NDC1: variants seen among roughly 807,000 people sequenced by gnomAD.
The protein encoded by NDC1 is nucleoporin NDC1.
In NDC1, 24 loss-of-function variants were observed where a neutral mutation model predicts 89.8. That is an observed-to-expected ratio of 0.27 (90% CI 0.19 to 0.38). NDC1 has a LOEUF of 0.38. Among genes scored for constraint, NDC1 ranks in the 10% least tolerant of loss-of-function variants. NDC1 has a pLI of 1.00. For missense variants in NDC1, 728 were observed against 797.6 expected (o/e 0.91, Z 1.05); for synonymous variants, 296 against 284.8 (o/e 1.04, Z -0.39).
chr1:53,828,289 G>T, intron 3 of NDC1, 116 bp from the exon 4 acceptor site: 1 of 937,148 alleles, frequency 1.1e-6, no homozygotes, highest in Non-Finnish European at 1.5e-6. Flanking sequence ...GAAATCCACA[G>T]TCAACGCAAA....
At chr1:53,797,236 T>C in intron 11 of NDC1, 92 bp from the exon 12 acceptor site, 1 of 1,236,498 alleles carries the variant, frequency 8.1e-7, no homozygotes, top group Non-Finnish European at 1.1e-6. Context: ...CAAATTTTTG[T>C]TTAACGCATT....
chr1:53,779,249 T>TTTACTC (rs1371305941), intron 16 of NDC1, among the ~76,000 whole-genome samples: 1 of 152,038 alleles, frequency 6.6e-6, no homozygotes, highest in Non-Finnish European at 1.5e-5. Context: ...GATAATCTCA[T>TTTACTC]TTACTCTTCA....
At chr1:53,769,385 TTAAA>T (rs1647093242) in intron 17 of NDC1, among the ~76,000 whole-genome samples, 1 of 152,226 alleles carries the variant, frequency 6.6e-6, no homozygotes, top group African/African-American at 2.4e-5. Context: ...GGTATTTTTG[TTAAA>T]TAAGCAGATT....
At chr1:53,798,480 TTAA>T (rs1647800153) in intron 11 of NDC1, among the ~76,000 whole-genome samples, 1 of 151,564 alleles carries the variant, frequency 6.6e-6, no homozygotes, top group Non-Finnish European at 1.5e-5. Flanking sequence ...TTCCATCTTC[TTAA>T]TAAAACCACC....
At chr1:53,816,650 A>C (rs112010076) in intron 6 of NDC1, among the ~76,000 whole-genome samples, 17,926 of 151,902 alleles carry the variant, frequency 0.12, 1,182 homozygotes, top group Non-Finnish European at 0.15. Flanking sequence ...AAAAACAAAA[A>C]AAAAAAAAAC....
intron 13 of NDC1, 105 bp downstream of exon 13, chr1:53,796,580 TAAAA>T (rs57490546): frequency 7.5e-3 from 3,219 of 428,496 alleles, no homozygotes; most frequent in Non-Finnish European, 9.5e-3. Flanking sequence ...ACACGAAGCA[TAAAA>T]AAAAAAAAAA....
intron 9 of NDC1, among the ~76,000 whole-genome samples, chr1:53,805,617 C>T (rs1305225830): frequency 6.6e-6 from 1 of 152,198 alleles, no homozygotes; most frequent in Non-Finnish European, 1.5e-5. Flanking sequence ...AAAATTACTA[C>T]AACTTCTTTA....
At chr1:53,838,130 G>C in intron 1 of NDC1, 75 bp downstream of exon 1, 1 of 1,402,164 alleles carries the variant, frequency 7.1e-7, no homozygotes, top group Non-Finnish European at 9.6e-7. Context: ...CCCCCGCCCA[G>C]CGCGCACGCG....
At chr1:53,838,165 C>A (rs1330626953) in intron 1 of NDC1, 40 bp downstream of exon 1, 1 of 1,525,042 alleles carries the variant, frequency 6.6e-7, no homozygotes, top group South Asian at 1.2e-5. Context: ...CCGCCCGGCC[C>A]GACCCTGGCA....
At chr1:53,798,504 T>A (rs1031696454) in intron 11 of NDC1, among the ~76,000 whole-genome samples, 1 of 150,826 alleles carries the variant, frequency 6.6e-6, no homozygotes, top group Admixed American at 6.6e-5. Flanking sequence ...ATAAGAAATA[T>A]AAGAAATTAA....
Position 53,767,920 on chromosome 1 carries a change from C to T in NDC1, c.*50G>A. 2 of 1,101,626 alleles carry T rather than the reference C, an allele frequency of 1.8e-6. No homozygotes were observed. The highest frequency in any genetic ancestry group is 1.5e-5 in the South Asian group (1 of 65,402). 68.2% of individuals were successfully genotyped at this position (1,101,626 alleles called of 1,614,324 possible). A position where few individuals can be genotyped will look rare whatever the true frequency, so the allele number is the denominator to read the frequency against. ...CCAAGAATGCTGAACATTTACTGTC[C>T]CATCTGTAGTTGTATCAGCAGTGTA... On this transcript the variant is annotated 3_prime_UTR_variant, in exon 18 of 18. Transcript: ENST00000371429.
intron 6 of NDC1, among the ~76,000 whole-genome samples, chr1:53,811,644 G>A (rs956815094): frequency 1.3e-5 from 2 of 151,460 alleles, no homozygotes; most frequent in African/African-American, 4.9e-5. Context: ...GCTCAGACTC[G>A]CCTATCCCCA....
Position 53,825,924 on chromosome 1 carries a change from A to G in NDC1, c.468T>C (p.Pro156=), listed in dbSNP as rs1337097508. ...PCTGTNSFGS[P]AAQTCLNEYH... Reference sequence around the variant, plus strand: ...ATTCATTTAAGCAGGTTTGCGCAGCAGGGCTACCAAAGCTGAAGGGAAAAA... The same window carrying G: ...ATTCATTTAAGCAGGTTTGCGCAGCGGGGCTACCAAAGCTGAAGGGAAAAA... Residue 156 remains proline, a synonymous_variant, in exon 5 of 18, where the codon CCT becomes CCC. Transcript: ENST00000371429. 9 of 1,611,832 alleles carry G rather than the reference A, an allele frequency of 5.6e-6. No individual in the cohort carries two copies. Among genetic ancestry groups the G allele is most frequent in the Non-Finnish European group, 7.6e-6 (9 of 1,179,332 alleles).
chr1:53,778,895 AC>A, intron 16 of NDC1, among the ~76,000 whole-genome samples: 1 of 152,072 alleles, frequency 6.6e-6, no homozygotes. Flanking sequence ...TAATCTCAAC[AC>A]TTCGGGAGGC....
rs1190160741 is a variant in NDC1, at chr1:53,819,075, T to C, written c.599A>G (p.Tyr200Cys). The change falls in exon 6 of 18, where the codon TAC becomes TGC. Residue 200 changes from tyrosine (Y) to cysteine (C), a missense_variant. Physicochemically the swap from Tyr to Cys is radical, Grantham distance 194. Transcript: ENST00000371429. ...NYLPFPIIQQ[Y>C]KFLRFRRSLL... ...AGATCTCCTAAAACGCAAGAACTTG[T>C]ATTGCTGTGGGGAAAAAAAAAAGAA... 2 of 1,507,286 alleles carry C rather than the reference T, an allele frequency of 1.3e-6. No individual in the cohort carries two copies. Among genetic ancestry groups the C allele is most frequent in the East Asian group, 4.5e-5 (2 of 43,994 alleles). The allele number at this position is 1,507,286 out of a possible 1,614,324, so 93.4% of individuals were successfully genotyped here.
At chr1:53,789,659 C>T (rs911837209) in intron 14 of NDC1, among the ~76,000 whole-genome samples, 21 of 151,262 alleles carry the variant, frequency 1.4e-4, no homozygotes, top group African/African-American at 4.6e-4. Flanking sequence ...ATTAGCTGGG[C>T]GTGGTGGCAG....
chr1:53,765,908 G>T lies in NDC1; in HGVS notation c.*2062C>A, dbSNP rs763940114. 6.6e-6 allele frequency: 1 copy of T among 152,120 alleles called. No homozygotes were observed. The highest frequency in any genetic ancestry group is 1.5e-5 in the Non-Finnish European group (1 of 68,030). The allele number at this position is 152,120 out of a possible 1,614,324, so 9.4% of individuals were successfully genotyped here. On this transcript the variant is annotated 3_prime_UTR_variant, in exon 18 of 18. Transcript: ENST00000371429. ...AGGTCCTCCTCCTAGTACACAGGAG[G>T]AGTTCCCCATAATAACACCCTGGTT... is the stretch of plus-strand genomic sequence containing the variant.
intron 16 of NDC1, among the ~76,000 whole-genome samples, chr1:53,773,788 T>C (rs958282605): frequency 7.2e-5 from 11 of 152,264 alleles, no homozygotes; most frequent in Admixed American, 3.9e-4. Context: ...GCTTTGGAAC[T>C]CATCCCTCTC....
intron 11 of NDC1, among the ~76,000 whole-genome samples, chr1:53,800,242 T>C (rs146261920): frequency 6.6e-6 from 1 of 152,198 alleles, no homozygotes; most frequent in East Asian, 1.9e-4. Flanking sequence ...ATTTTCTTGG[T>C]TCAATATAAG....
Sources: gnomAD v4.1 joint callset for allele counts (sites outside exome capture counted in the v4.1 genomes callset) on GRCh38, gnomAD v4.1.1 for gene constraint, MANE v1.5 for transcripts, NCBI Gene and HGNC (gene_info 2026-07-23, HGNC 2026-07-21) for gene names.